The following NAALADL2 variants were observed in gnomAD, a reference collection of about 807,000 sequenced individuals.
NAALADL2 encodes the protein N-acetylated alpha-linked acidic dipeptidase like 2.
Under a neutral mutation model 87.2 loss-of-function variants are expected in NAALADL2, and 76 were observed. The ratio of observed to expected loss-of-function variants is 0.87; its 90% CI spans 0.72 to 1.05. The LOEUF (loss-of-function observed/expected upper bound fraction) is 1.05. Among genes scored for constraint, NAALADL2 ranks in the 50% least tolerant of loss-of-function variants. The pLI, the probability that NAALADL2 is intolerant of heterozygous loss-of-function variation, is 0.00. For missense variants in NAALADL2, 1,089 were observed against 945.8 expected, an observed-to-expected ratio of 1.15 and a Z score of -1.99; for synonymous variants, 354 against 331.0, an observed-to-expected ratio of 1.07 and a Z score of -0.75.
rs997744158 is a variant in NAALADL2, at chr3:175,644,869, A to G, written c.1896+17483A>G. Among the ~76,000 whole-genome samples, 5 of 152,292 alleles carry G rather than the reference A, an allele frequency of 3.3e-5. No homozygotes were observed. The East Asian group carries it at 9.6e-4, about 29-fold the overall frequency. The stretch of plus-strand genomic sequence containing the variant: ...TTGATTTTTCACATTACTAGCATCA[A>G]ATGAAGTGATTGCAATAGCAAACAA... On this transcript the variant is annotated intron_variant, in intron 11 of 13. Coordinates refer to ENST00000454872, the MANE Select transcript of NAALADL2 (RefSeq NM_207015.3).
chr3:175,587,431 G>A (rs1057428162), intron 10 of NAALADL2, among the ~76,000 whole-genome samples: 6 of 152,012 alleles, frequency 3.9e-5, no homozygotes, highest in African/African-American at 1.2e-4. Context: ...TTTTATATTT[G>A]CTCACAGATG....
At chr3:174,953,423 A>T (rs557125351) in intron 1 of NAALADL2, among the ~76,000 whole-genome samples, 9 of 150,480 alleles carry the variant, frequency 6.0e-5, no homozygotes, top group African/African-American at 2.2e-4. Flanking sequence ...GCACTAGACT[A>T]CACCAGTAAA....
At chr3:175,777,789 G>C (rs1158805312) in intron 13 of NAALADL2, among the ~76,000 whole-genome samples, 1 of 152,076 alleles carries the variant, frequency 6.6e-6, no homozygotes, top group African/African-American at 2.4e-5. Context: ...TCTTTCATCA[G>C]TATCTCTGAG....
chr3:174,585,667 T>C (rs112000602), intron 2 of NAALADL2, among the ~76,000 whole-genome samples: 1 of 151,984 alleles, frequency 6.6e-6, no homozygotes. Context: ...TTTTTGTTTT[T>C]TTTTTACTTA....
intron 5 of NAALADL2, among the ~76,000 whole-genome samples, chr3:175,431,362 G>T (rs1048540623): frequency 3.3e-5 from 5 of 151,654 alleles, no homozygotes; most frequent in Non-Finnish European, 7.4e-5. Flanking sequence ...GAGATTTTTT[G>T]TTTGTTTGTT....
chr3:175,580,515 T>G (rs1443325204), intron 10 of NAALADL2, among the ~76,000 whole-genome samples: 1 of 152,190 alleles, frequency 6.6e-6, no homozygotes, highest in African/African-American at 2.4e-5. Context: ...AGTTCCAAAG[T>G]CCTTTAAAAG....
intron 3 of NAALADL2, among the ~76,000 whole-genome samples, chr3:175,237,167 G>A (rs1746049424): frequency 6.6e-6 from 1 of 151,966 alleles, no homozygotes; most frequent in Non-Finnish European, 1.5e-5. Flanking sequence ...AAATTCTATA[G>A]CTTCAACCTT....
intron 5 of NAALADL2, among the ~76,000 whole-genome samples, chr3:175,370,431 A>G (rs1560447518): frequency 6.6e-6 from 1 of 151,966 alleles, no homozygotes; most frequent in Non-Finnish European, 1.5e-5. Flanking sequence ...ACCATTAACT[A>G]CTGATGCTTC....
At chr3:175,457,991 T>C (rs1438371602) in intron 6 of NAALADL2, among the ~76,000 whole-genome samples, 3 of 152,136 alleles carry the variant, frequency 2.0e-5, no homozygotes, top group African/African-American at 4.8e-5. Flanking sequence ...ACTATTTGTA[T>C]CTTAATACTC....
At chr3:174,651,181 A>G (rs576956467) in intron 2 of NAALADL2, among the ~76,000 whole-genome samples, 2 of 152,308 alleles carry the variant, frequency 1.3e-5, no homozygotes, top group African/African-American at 4.8e-5. Context: ...GTTCACATGT[A>G]ATCATTGACC....
At chr3:175,112,618 G>A (rs1724390865) in intron 2 of NAALADL2, 3 of 151,560 alleles carry the variant, frequency 2.0e-5, no homozygotes, top group African/African-American at 7.3e-5. Context: ...ACATCCAGAT[G>A]TTACATAGAG....
intron 3 of NAALADL2, among the ~76,000 whole-genome samples, chr3:174,745,340 T>C (rs1268030189): frequency 6.6e-6 from 1 of 151,704 alleles, no homozygotes; most frequent in Non-Finnish European, 1.5e-5. Context: ...CTAGAAGATC[T>C]AAAAAAAACT....
chr3:175,246,804 T>G (rs990450291), intron 3 of NAALADL2, among the ~76,000 whole-genome samples: 4 of 152,126 alleles, frequency 2.6e-5, no homozygotes, highest in Admixed American at 2.6e-4. Context: ...CCTAGCTTAC[T>G]TGGTGATGTG....
intron 11 of NAALADL2, among the ~76,000 whole-genome samples, chr3:175,732,601 G>T (rs1177651235): frequency 6.6e-6 from 1 of 152,122 alleles, no homozygotes; most frequent in African/African-American, 2.4e-5. Context: ...ATGGATAAGA[G>T]AACTTCCGAG....
intron 1 of NAALADL2, among the ~76,000 whole-genome samples, chr3:174,489,832 G>T (rs920990378): frequency 4.6e-5 from 7 of 151,974 alleles, no homozygotes; most frequent in African/African-American, 1.7e-4. Context: ...GTAGAGAAAT[G>T]GGAATCCTTA....
At chr3:175,373,811 C>G (rs7622396) in intron 5 of NAALADL2, among the ~76,000 whole-genome samples, 15,793 of 152,160 alleles carry the variant, frequency 0.1, 1,431 homozygotes, top group African/African-American at 0.25. Flanking sequence ...GCTCTACATC[C>G]TTGAAACACG....
At chr3:175,069,029 T>G (rs1194699435) in intron 1 of NAALADL2, among the ~76,000 whole-genome samples, 1 of 152,082 alleles carries the variant, frequency 6.6e-6, no homozygotes, top group African/African-American at 2.4e-5. Flanking sequence ...ATTAAAGACT[T>G]AAACGTTAGA....
chr3:175,465,666 T>A (rs60924817), intron 7 of NAALADL2, among the ~76,000 whole-genome samples: 21,863 of 151,752 alleles, frequency 0.14, 2,601 homozygotes, highest in African/African-American at 0.33. Flanking sequence ...AGAGACGAGG[T>A]TTCACCATCT....
At chr3:174,787,584 T>TGTATATATATATACATATATATATATAC (rs1560225453) in intron 3 of NAALADL2, among the ~76,000 whole-genome samples, 663 of 59,142 alleles carry the variant, frequency 0.011, 90 homozygotes, top group Non-Finnish European at 0.019. Context: ...ATCATATATA[T>TGTATATATATATACATATATATATATAC]ATATATATAT....
Sources: gnomAD v4.1 joint callset for allele counts (sites outside exome capture counted in the v4.1 genomes callset) on GRCh38, gnomAD v4.1.1 for gene constraint, MANE v1.5 for transcripts, NCBI Gene and HGNC (gene_info 2026-07-23, HGNC 2026-07-21) for gene names.